The following SH3BGRL3 variants were observed in gnomAD, a reference collection of about 807,000 sequenced individuals.
SH3BGRL3 encodes the protein SH3 domain binding glutamate rich protein like 3, also known as SH3 domain-binding glutamic acid-rich-like protein 3.
A neutral mutation model predicts 11.9 loss-of-function variants in SH3BGRL3; 8 were observed. The observed-to-expected ratio is 0.67, with a 90% confidence interval of 0.40 to 1.22. The LOEUF (loss-of-function observed/expected upper bound fraction) is 1.22. SH3BGRL3 is among the 50% of genes most tolerant of loss of function. The probability of loss-of-function intolerance (pLI) is 0.01; values close to 1 mark genes in which losing one functional copy is unlikely to be tolerated. For missense variants in SH3BGRL3, 119 were observed against 120.1 expected (o/e 0.99, Z 0.04); for synonymous variants, 55 against 52.3 (o/e 1.05, Z -0.22).
chr1:26,281,152 G>C lies in SH3BGRL3; in HGVS notation c.*29G>C. The stretch of plus-strand genomic sequence containing the variant: ...AAGCCTGTCCAGAGTTCCCCTGCTG[G>C]ACTCCATCACCACACTCCCCCCAGC... On this transcript the variant is annotated 3_prime_UTR_variant, in exon 3 of 3. Transcript: ENST00000270792. 1.2e-6 allele frequency: 2 copies of C among 1,607,448 alleles called. 1 individual carries two copies. Among genetic ancestry groups the C allele is most frequent in the South Asian group, 2.2e-5 (2 of 90,280 alleles).
rs573475479 is a variant in SH3BGRL3 at position 26,280,666 on chromosome 1, G to T, written c.49-99G>T. On this transcript the variant is annotated intron_variant, in intron 1 of 2. Transcript: ENST00000270792. ...CCCCTAGTGTGGAGGGGAATGGGGG[G>T]ACAAAAGCTCCTGGTCACAGCCTCT... 17 of 1,442,182 alleles carry T rather than the reference G, an allele frequency of 1.2e-5. No individual in the cohort carries two copies. In the African/African-American group the frequency reaches 2.1e-4, roughly 18 times the overall value. 89.3% of individuals were successfully genotyped at this position (1,442,182 alleles called of 1,614,324 possible).
chr1:26,280,290 G>C lies in SH3BGRL3; in HGVS notation c.48+87G>C, dbSNP rs372603913. 3 of 1,390,214 alleles carry C rather than the reference G, an allele frequency of 2.2e-6. No homozygotes were observed. In the African/African-American group the frequency reaches 4.5e-5, roughly 21 times the overall value. 86.1% of individuals were successfully genotyped at this position (1,390,214 alleles called of 1,614,324 possible). On this transcript the variant is annotated intron_variant, in intron 1 of 2. Transcript: ENST00000270792. Reference sequence around the variant, plus strand: ...CCCTAGCGCCCGGGACCCACCCCCAGGACGGGGGCGGGGTGGGGGGAGTGC... The same window carrying C: ...CCCTAGCGCCCGGGACCCACCCCCACGACGGGGGCGGGGTGGGGGGAGTGC...
Position 26,280,905 on chromosome 1 carries a change from G to T in SH3BGRL3, c.189G>T (p.Gln63His), listed in dbSNP as rs776637399. Residue 63 changes from glutamine (Q) to histidine (H), a missense_variant, in exon 2 of 3, where the codon CAG (glutamine) becomes CAT (histidine). Physicochemically the swap from Gln to His is conservative, Grantham distance 24. Coordinates refer to ENST00000270792, the MANE Select transcript of SH3BGRL3 (RefSeq NM_031286.4). ...LAGNPKATPP[Q>H]IVNGDQYCGD... is the part of the protein sequence containing the mutation. ...GCAACCCCAAGGCCACCCCACCCCA[G>T]ATTGTCAACGGGGACCAGTACTGTG... The T allele has an allele frequency of 3.1e-6, 4 of 1,305,558 alleles. No homozygotes were observed. The highest frequency in any genetic ancestry group is 4.2e-6 in the Non-Finnish European group (4 of 963,784). 80.9% of individuals were successfully genotyped at this position (1,305,558 alleles called of 1,614,324 possible).
intron 1 of SH3BGRL3, 134 bp downstream of exon 1, chr1:26,280,337 G>A: frequency 9.0e-7 from 1 of 1,117,236 alleles, no homozygotes. Flanking sequence ...GCTGGGCACG[G>A]TCTCCCGGAC....
At chr1:26,280,536 C>T (rs1024310363) in intron 1 of SH3BGRL3, among the ~76,000 whole-genome samples, 2 of 150,056 alleles carry the variant, frequency 1.3e-5, no homozygotes, top group East Asian at 3.9e-4. Context: ...CCTGATCCCA[C>T]TTCCCTTCAC....
Position 26,280,753 on chromosome 1 carries a change from C to A in SH3BGRL3, c.49-12C>A. ...GCCTATCCACTAACCCCTACCCACC[C>A]TCTGTCCCCAGATCAAGTCCCAGCA... On this transcript the variant is annotated splice_polypyrimidine_tract_variant and intron_variant, in intron 1 of 2. Transcript: ENST00000270792. 1 of 1,613,644 alleles carries A rather than the reference C, an allele frequency of 6.2e-7. No homozygotes were observed. Among genetic ancestry groups the A allele is most frequent in the Non-Finnish European group, 8.5e-7 (1 of 1,179,828 alleles).
At chr1:26,281,013 G>T in intron 2 of SH3BGRL3, 45 bp from the exon 3 acceptor site, 1 of 1,611,638 alleles carries the variant, frequency 6.2e-7, no homozygotes. Flanking sequence ...AAAGCACTTG[G>T]GCCCCCTGCA....
At position 26,280,744 on chromosome 1, in the gene SH3BGRL3, C is replaced by G. The variant is rs1273915103; in HGVS notation, c.49-21C>G. 1.9e-6 allele frequency: 3 copies of G among 1,613,084 alleles called. No individual in the cohort carries two copies. In the South Asian group the frequency reaches 3.3e-5, roughly 18 times the overall value. ...AATCCTCCAGCCTATCCACTAACCC[C>G]TACCCACCCTCTGTCCCCAGATCAA... On this transcript the variant is annotated intron_variant, in intron 1 of 2. Transcript: ENST00000270792.
chr1:26,280,499 G>GCCCTCCCCTC (rs200276809), intron 1 of SH3BGRL3, among the ~76,000 whole-genome samples: 1 of 150,664 alleles, frequency 6.6e-6, no homozygotes, highest in African/African-American at 2.5e-5. Flanking sequence ...ACCGCAGCCT[G>GCCCTCCCCTC]CCCTCCCCTC....
chr1:26,280,723 C>T (rs750041661), intron 1 of SH3BGRL3, 42 bp from the exon 2 acceptor site: 12 of 1,606,222 alleles, frequency 7.5e-6, no homozygotes, highest in South Asian at 2.2e-5. Context: ...CCCATAAATC[C>T]TCCAGCCTAT....
Position 26,280,918 on chromosome 1 carries a change from G to A in SH3BGRL3, c.202G>A (p.Asp68Asn), listed in dbSNP as rs1570067430. The A allele has an allele frequency of 8.7e-7, 1 of 1,151,758 alleles. No individual in the cohort carries two copies. Among genetic ancestry groups the A allele is most frequent in the Non-Finnish European group, 1.2e-6 (1 of 804,610 alleles). 71.3% of individuals were successfully genotyped at this position (1,151,758 alleles called of 1,614,324 possible). The change falls in exon 2 of 3, where the codon GAC becomes AAC. Residue 68 changes from aspartate to asparagine, a missense_variant. Coordinates refer to ENST00000270792, the MANE Select transcript of SH3BGRL3 (RefSeq NM_031286.4). ...CACCCCACCCCAGATTGTCAACGGG[G>A]ACCAGTACTGTGGGGTATGGGCTGG... ...KATPPQIVNG[D>N]QYCGDYELFV...
chr1:26,280,277 G>A, intron 1 of SH3BGRL3, 74 bp downstream of exon 1: 1 of 1,419,298 alleles, frequency 7.0e-7, no homozygotes, highest in Non-Finnish European at 9.2e-7. Flanking sequence ...CTAGCGCCCG[G>A]GACCCACCCC....
chr1:26,281,015 C>T (rs1294666023), intron 2 of SH3BGRL3, 43 bp from the exon 3 acceptor site: 3 of 1,610,332 alleles, frequency 1.9e-6, no homozygotes, highest in Non-Finnish European at 2.5e-6. Context: ...AGCACTTGGG[C>T]CCCCTGCATT....
chr1:26,280,653 A>T, intron 1 of SH3BGRL3, 112 bp from the exon 2 acceptor site: 1 of 1,295,698 alleles, frequency 7.7e-7, no homozygotes, highest in Non-Finnish European at 1.1e-6. Flanking sequence ...CCTAGTGTGG[A>T]GGGGAATGGG....
Position 26,280,873 on chromosome 1 carries a change from T to C in SH3BGRL3, c.157T>C (p.Leu53=). The change falls in exon 2 of 3, where the codon TTG becomes CTG. Residue 53 remains leucine (L), a synonymous_variant. Transcript: ENST00000270792. ...DNALRDEMRA[L]AGNPKATPPQ... ...CGCCCTGAGGGATGAGATGCGAGCC[T>C]TGGCAGGCAACCCCAAGGCCACCCC... 1 of 1,613,742 alleles carries C rather than the reference T, an allele frequency of 6.2e-7. No individual in the cohort carries two copies. The highest frequency in any genetic ancestry group is 8.5e-7 in the Non-Finnish European group (1 of 1,179,922).
chr1:26,280,955 G>C (rs779124814), intron 2 of SH3BGRL3, 23 bp downstream of exon 2: 8 of 1,595,620 alleles, frequency 5.0e-6, no homozygotes, highest in African/African-American at 4.0e-5. Flanking sequence ...GGACGGGGGG[G>C]TGGGGGGAGT....
At chr1:26,280,684 C>T (rs2124624844) in intron 1 of SH3BGRL3, 81 bp from the exon 2 acceptor site, 2 of 1,537,420 alleles carry the variant, frequency 1.3e-6, no homozygotes, top group Non-Finnish European at 1.8e-6. Context: ...CTCCTGGTCA[C>T]AGCCTCTCTC....
chr1:26,281,239 G>C lies in SH3BGRL3; in HGVS notation c.*116G>C. Reference sequence around the variant, plus strand: ...CTGTCATTCCTAACCTAACCTTAGAGTCCCTCCCCCAATGCAGGCCACTTC... The same window carrying C: ...CTGTCATTCCTAACCTAACCTTAGACTCCCTCCCCCAATGCAGGCCACTTC... On this transcript the variant is annotated 3_prime_UTR_variant, in exon 3 of 3. Transcript: ENST00000270792. The C allele has an allele frequency of 1.0e-6, 1 of 976,892 alleles. No homozygotes were observed. Among genetic ancestry groups the C allele is most frequent in the Non-Finnish European group, 1.5e-6 (1 of 653,182 alleles). The allele number at this position is 976,892 out of a possible 1,614,324, so 60.5% of individuals were successfully genotyped here.
Position 26,280,103 on chromosome 1 carries a change from C to T in SH3BGRL3, c.-53C>T. 2 of 1,542,288 alleles carry T rather than the reference C, an allele frequency of 1.3e-6. No individual in the cohort carries two copies. The highest frequency in any genetic ancestry group is 1.7e-4 in the Middle Eastern group (1 of 5,768). Reference sequence around the variant, plus strand: ...GCGGCGGCGTCGTCTCCCGGCAGTGCAGCTGCCGCTACCGCCGCCCTCTGC... The same window carrying T: ...GCGGCGGCGTCGTCTCCCGGCAGTGTAGCTGCCGCTACCGCCGCCCTCTGC... On this transcript the variant is annotated 5_prime_UTR_variant, in exon 1 of 3. Coordinates refer to ENST00000270792, the MANE Select transcript of SH3BGRL3 (RefSeq NM_031286.4).
Sources: gnomAD v4.1 joint callset for allele counts (sites outside exome capture counted in the v4.1 genomes callset) on GRCh38, gnomAD v4.1.1 for gene constraint, MANE v1.5 for transcripts, NCBI Gene and HGNC (gene_info 2026-07-23, HGNC 2026-07-21) for gene names.